The following ADCY2 variants were observed in gnomAD, a reference collection of about 807,000 sequenced individuals.
ADCY2 encodes adenylate cyclase type 2.
ADCY2 carries 31 observed loss-of-function variants against 125.2 expected under a neutral mutation model. The observed-to-expected ratio is 0.25, with a 90% CI of 0.19 to 0.33. The LOEUF is 0.33. ADCY2 is among the 10% of genes least tolerant of loss of function. The pLI, the probability that ADCY2 is intolerant of heterozygous loss-of-function variation, is 1.00. For missense variants in ADCY2, 904 were observed against 1,418.2 expected (o/e 0.64, Z 5.82); for synonymous variants, 512 against 548.4 (o/e 0.93, Z 0.93).
At chr5:7,791,579 C>T (rs1209498059) in intron 20 of ADCY2, among the ~76,000 whole-genome samples, 2 of 152,166 alleles carry the variant, frequency 1.3e-5, no homozygotes, top group Non-Finnish European at 2.9e-5. Context: ...CCTATCTCTT[C>T]TCCTGGTGTT....
intron 14 of ADCY2, among the ~76,000 whole-genome samples, chr5:7,738,465 G>C (rs1429310185): frequency 6.6e-6 from 1 of 151,858 alleles, no homozygotes; most frequent in African/African-American, 2.4e-5. Context: ...TAGTAAAATG[G>C]TACGTTTGAA....
In ADCY2 at chr5:7,500,378, A is replaced by C. The variant is rs371085137; in HGVS notation, c.409-20360A>C. Among the ~76,000 whole-genome samples, 16 of 152,350 alleles carry C rather than the reference A, an allele frequency of 1.1e-4. No homozygotes were observed. In the South Asian group the frequency reaches 3.3e-3, roughly 32 times the overall value. On this transcript the variant is annotated intron_variant, in intron 2 of 24. Coordinates refer to ENST00000338316, the MANE Select transcript of ADCY2 (RefSeq NM_020546.3). ...TATGGGCTTCACAGGGTAACTTACT[A>C]CCAAAGAGTACAGTGGAAAGTGAGG...
intron 4 of ADCY2, among the ~76,000 whole-genome samples, chr5:7,680,205 T>TA (rs1247709905): frequency 6.6e-6 from 1 of 152,114 alleles, no homozygotes; most frequent in Non-Finnish European, 1.5e-5. Context: ...TGGATTGTCA[T>TA]AAAAGGGGTT....
intron 3 of ADCY2, among the ~76,000 whole-genome samples, chr5:7,588,608 C>T (rs1263209938): frequency 6.6e-6 from 1 of 152,180 alleles, no homozygotes; most frequent in Non-Finnish European, 1.5e-5. Context: ...CTACTCATCT[C>T]TGTTGTTTTA....
At chr5:7,480,222 A>G (rs745956140) in intron 2 of ADCY2, among the ~76,000 whole-genome samples, 3 of 152,204 alleles carry the variant, frequency 2.0e-5, no homozygotes, top group Non-Finnish European at 4.4e-5. Flanking sequence ...TCAGAGACCT[A>G]AAGACAGAAA....
intron 3 of ADCY2, among the ~76,000 whole-genome samples, chr5:7,588,743 G>A (rs914157744): frequency 6.6e-5 from 10 of 152,108 alleles, no homozygotes; most frequent in Non-Finnish European, 1.0e-4. Flanking sequence ...ATGTTGCTTG[G>A]GAATTTTATT....
chr5:7,591,142 G>A (rs1473945212), intron 3 of ADCY2, among the ~76,000 whole-genome samples: 1 of 152,102 alleles, frequency 6.6e-6, no homozygotes, highest in Non-Finnish European at 1.5e-5. Context: ...TAATTCAGTT[G>A]ATCACTATCT....
intron 3 of ADCY2, among the ~76,000 whole-genome samples, chr5:7,549,110 C>A (rs557596088): frequency 5.4e-4 from 82 of 152,324 alleles, no homozygotes; most frequent in African/African-American, 1.9e-3. Context: ...CTAGTTCTTA[C>A]AAGGGACCAT....
chr5:7,560,907 C>T (rs973176279), intron 3 of ADCY2, among the ~76,000 whole-genome samples: 1 of 152,118 alleles, frequency 6.6e-6, no homozygotes, highest in Non-Finnish European at 1.5e-5. Context: ...AGGCTGGTCT[C>T]GAACTCCTGA....
At chr5:7,744,654 T>A (rs900351214) in intron 15 of ADCY2, among the ~76,000 whole-genome samples, 1 of 152,228 alleles carries the variant, frequency 6.6e-6, no homozygotes, top group Non-Finnish European at 1.5e-5. Flanking sequence ...CACTGTTTCG[T>A]TTTGTTCAAT....
intron 14 of ADCY2, among the ~76,000 whole-genome samples, chr5:7,737,107 G>T (rs79899404): frequency 6.6e-6 from 1 of 152,186 alleles, no homozygotes; most frequent in Non-Finnish European, 1.5e-5. Flanking sequence ...ATATTATAGT[G>T]CCCAGAGAAA....
At chr5:7,522,692 G>T (rs1744489409) in intron 3 of ADCY2, 1 of 146,242 alleles carries the variant, frequency 6.8e-6, no homozygotes, top group African/African-American at 2.6e-5. Flanking sequence ...CACAAGGTCA[G>T]GAGATCAAGA....
intron 23 of ADCY2, among the ~76,000 whole-genome samples, chr5:7,817,535 A>T (rs1745155082): frequency 6.6e-6 from 1 of 152,322 alleles, no homozygotes; most frequent in African/African-American, 2.4e-5. Context: ...TTGTTAAAAA[A>T]TAACCTTTAG....
chr5:7,499,195 A>G (rs2126500084), intron 2 of ADCY2, among the ~76,000 whole-genome samples: 1 of 152,020 alleles, frequency 6.6e-6, no homozygotes, highest in East Asian at 1.9e-4. Context: ...TTCAGTAGAG[A>G]TGGGGTTTCA....
At chr5:7,632,688 C>G (rs1738357382) in intron 4 of ADCY2, among the ~76,000 whole-genome samples, 1 of 152,166 alleles carries the variant, frequency 6.6e-6, no homozygotes, top group Non-Finnish European at 1.5e-5. Flanking sequence ...ACAGTTTGCA[C>G]CACACTGTAT....
chr5:7,563,403 G>T (rs1735787519), intron 3 of ADCY2, among the ~76,000 whole-genome samples: 1 of 152,190 alleles, frequency 6.6e-6, no homozygotes, highest in Non-Finnish European at 1.5e-5. Context: ...GTCCACAGAA[G>T]CTTCTGTGAG....
At chr5:7,766,957 C>T in intron 17 of ADCY2, 151 bp downstream of exon 17, 1 of 1,065,410 alleles carries the variant, frequency 9.4e-7, no homozygotes, top group Non-Finnish European at 1.3e-6. Flanking sequence ...CAAATGTCAG[C>T]CTCTGCTAGA....
At chr5:7,478,432 T>A (rs1427606793) in intron 2 of ADCY2, among the ~76,000 whole-genome samples, 1 of 152,244 alleles carries the variant, frequency 6.6e-6, no homozygotes, top group Admixed American at 6.5e-5. Flanking sequence ...TGTGTATACA[T>A]AAGTGTGTAT....
At chr5:7,788,947 CT>C (rs1225922196) in intron 19 of ADCY2, among the ~76,000 whole-genome samples, 1 of 152,212 alleles carries the variant, frequency 6.6e-6, no homozygotes, top group Non-Finnish European at 1.5e-5. Context: ...CCAAAAGACT[CT>C]TTGTCAGTAA....
Sources: gnomAD v4.1 joint callset for allele counts (sites outside exome capture counted in the v4.1 genomes callset) on GRCh38, gnomAD v4.1.1 for gene constraint, MANE v1.5 for transcripts, NCBI Gene and HGNC (gene_info 2026-07-23, HGNC 2026-07-21) for gene names.